Variants in COL14A1 observed in about 807,000 individuals in gnomAD.
COL14A1 encodes the protein collagen type XIV alpha 1 chain, also known as collagen alpha-1(XIV) chain.
A neutral mutation model predicts 230.3 loss-of-function variants in COL14A1; 136 were observed. The observed-to-expected ratio is 0.59, with a 90% CI of 0.51 to 0.68. The LOEUF is 0.68. COL14A1 is among the 30% of genes least tolerant of loss of function. The probability of loss-of-function intolerance (pLI) is 0.00; values close to 1 mark genes in which losing one functional copy is unlikely to be tolerated. For missense variants in COL14A1, 1,976 were observed against 2,215.8 expected, an observed-to-expected ratio of 0.89 and a Z score of 2.17; for synonymous variants, 792 against 784.1, an observed-to-expected ratio of 1.01 and a Z score of -0.17.
At chr8:120,320,400 G>T (rs1821397139) in intron 40 of COL14A1, among the ~76,000 whole-genome samples, 1 of 151,814 alleles carries the variant, frequency 6.6e-6, no homozygotes, top group Non-Finnish European at 1.5e-5. Context: ...TTTTTTCTTG[G>T]ATTTCACCTC....
At chr8:120,240,481 G>T (rs1017104644) in intron 19 of COL14A1, among the ~76,000 whole-genome samples, 1 of 152,160 alleles carries the variant, frequency 6.6e-6, no homozygotes, top group African/African-American at 2.4e-5. Flanking sequence ...AAGTCTGAGG[G>T]TCTTGAAATC....
chr8:120,147,940 A>G lies in COL14A1; in HGVS notation c.88+10A>G, dbSNP rs1815151204. The G allele has an allele frequency of 6.3e-7, 1 of 1,596,994 alleles. No individual in the cohort carries two copies. Among genetic ancestry groups the G allele is most frequent in the South Asian group, 1.1e-5 (1 of 90,418 alleles). Reference sequence around the variant, plus strand: ...ATTGTCCAAGGTCAAGGTAATTGAAAACTTTGAGAATCAGTAGGGTCTGGG... The same window carrying G: ...ATTGTCCAAGGTCAAGGTAATTGAAGACTTTGAGAATCAGTAGGGTCTGGG... On this transcript the variant is annotated intron_variant, in intron 2 of 47. Coordinates refer to ENST00000297848, the MANE Select transcript of COL14A1 (RefSeq NM_021110.4).
chr8:120,297,848 C>G (rs1277941324), intron 35 of COL14A1, among the ~76,000 whole-genome samples: 1 of 151,880 alleles, frequency 6.6e-6, no homozygotes. Flanking sequence ...CTCATGAAGC[C>G]CTTAGTGTCT....
chr8:120,289,032 C>T (rs1404414873), intron 33 of COL14A1, among the ~76,000 whole-genome samples: 1 of 152,148 alleles, frequency 6.6e-6, no homozygotes, highest in East Asian at 1.9e-4. Flanking sequence ...CACGGACCTC[C>T]AGATTCTTGA....
At chr8:120,195,407 A>G (rs988509332) in intron 5 of COL14A1, among the ~76,000 whole-genome samples, 4 of 152,296 alleles carry the variant, frequency 2.6e-5, no homozygotes, top group South Asian at 4.1e-4. Context: ...CACACACTTA[A>G]TGATCTCTAG....
Position 120,209,756 on chromosome 8 carries a change from TTGCTTTACCGA to T in COL14A1, c.1325_1335del (p.Ala442GlyfsTer3). On this transcript the variant is annotated frameshift_variant and splice_region_variant, in exon 12 of 48. Transcript: ENST00000297848. LOFTEE classifies it high-confidence loss of function. ...ACATTTAAAAAAAAATCTCTTGCAG[TTGCTTTACCGA>T]TGGCTTCTGACCTTCTACTGTACGA... 1 of 1,598,774 alleles carries T rather than the reference TTGCTTTACCGA, an allele frequency of 6.3e-7. No homozygotes were observed. The highest frequency in any genetic ancestry group is 8.5e-7 in the Non-Finnish European group (1 of 1,175,550).
At chr8:120,166,627 G>A (rs1165553665) in intron 4 of COL14A1, among the ~76,000 whole-genome samples, 1 of 152,144 alleles carries the variant, frequency 6.6e-6, no homozygotes, top group African/African-American at 2.4e-5. Context: ...GTAATTTGGG[G>A]TGACAGCCCA....
rs1563719633 is a variant in COL14A1, at chr8:120,289,601, T to C, written c.4078-7T>C. The C allele has an allele frequency of 6.2e-7, 1 of 1,612,656 alleles. No homozygotes were observed. Among genetic ancestry groups the C allele is most frequent in the Non-Finnish European group, 8.5e-7 (1 of 1,179,462 alleles). On this transcript the variant is annotated splice_region_variant and splice_polypyrimidine_tract_variant and intron_variant, in intron 33 of 47. Transcript: ENST00000297848. Reference sequence around the variant, plus strand: ...CTTACCTCCTAAAACATCTTACTTTTACCTAGCTACACATTGTTGTCAGTG... The same window carrying C: ...CTTACCTCCTAAAACATCTTACTTTCACCTAGCTACACATTGTTGTCAGTG...
At chr8:120,329,072 T>A (rs1210275626) in intron 40 of COL14A1, among the ~76,000 whole-genome samples, 2 of 152,204 alleles carry the variant, frequency 1.3e-5, no homozygotes, top group Non-Finnish European at 2.9e-5. Context: ...TTAGTGAATA[T>A]GTGCCCAGGG....
chr8:120,275,149 T>C (rs1819798667), intron 26 of COL14A1, among the ~76,000 whole-genome samples: 1 of 151,760 alleles, frequency 6.6e-6, no homozygotes, highest in South Asian at 2.1e-4. Context: ...AATAAGCACA[T>C]AAACTAATGG....
intron 31 of COL14A1, 149 bp from the exon 32 acceptor site, chr8:120,283,487 A>C (rs1232711120): frequency 1.4e-6 from 1 of 731,078 alleles, no homozygotes; most frequent in African/African-American, 1.8e-5. Flanking sequence ...TCTTTACTAA[A>C]TTAGATCAAC....
At chr8:120,243,126 C>T (rs2130849545) in intron 19 of COL14A1, among the ~76,000 whole-genome samples, 1 of 152,306 alleles carries the variant, frequency 6.6e-6, no homozygotes, top group East Asian at 1.9e-4. Context: ...GCACTGAGAA[C>T]ATGTGGCTTT....
intron 38 of COL14A1, 116 bp from the exon 39 acceptor site, chr8:120,315,417 A>T: frequency 3.4e-6 from 2 of 584,170 alleles, no homozygotes; most frequent in Non-Finnish European, 6.1e-6. Context: ...TATTCTGTTT[A>T]GATGTTAGTG....
chr8:120,194,053 C>T (rs1362666569), intron 5 of COL14A1, among the ~76,000 whole-genome samples: 1 of 152,180 alleles, frequency 6.6e-6, no homozygotes. Context: ...TGCGCTGCAC[C>T]CACTGTCCTG....
chr8:120,362,159 A>G (rs1823242566), intron 45 of COL14A1, among the ~76,000 whole-genome samples: 1 of 152,192 alleles, frequency 6.6e-6, no homozygotes, highest in Non-Finnish European at 1.5e-5. Context: ...GCAGTGGTTG[A>G]GCACAGAGGC....
chr8:120,166,752 T>C (rs192295961), intron 4 of COL14A1, among the ~76,000 whole-genome samples: 1 of 152,206 alleles, frequency 6.6e-6, no homozygotes, highest in East Asian at 1.9e-4. Context: ...GCAACCTTAG[T>C]ATATGATTGT....
At chr8:120,133,075 G>T (rs1814588842) in intron 1 of COL14A1, among the ~76,000 whole-genome samples, 1 of 152,186 alleles carries the variant, frequency 6.6e-6, no homozygotes, top group South Asian at 2.1e-4. Context: ...AATTAGCCAG[G>T]CATGGTGGCG....
At chr8:120,181,440 G>A (rs1047442785) in intron 5 of COL14A1, among the ~76,000 whole-genome samples, 3 of 152,172 alleles carry the variant, frequency 2.0e-5, no homozygotes, top group African/African-American at 7.2e-5. Context: ...AAACAATGAT[G>A]TAACACATAC....
At chr8:120,350,024 T>A in intron 45 of COL14A1, among the ~76,000 whole-genome samples, 1 of 141,246 alleles carries the variant, frequency 7.1e-6, no homozygotes, top group Non-Finnish European at 1.5e-5. Flanking sequence ...CCCATCAGAC[T>A]AACAGCGGAT....
Sources: gnomAD v4.1 joint callset for allele counts (sites outside exome capture counted in the v4.1 genomes callset) on GRCh38, gnomAD v4.1.1 for gene constraint, MANE v1.5 for transcripts, NCBI Gene and HGNC (gene_info 2026-07-23, HGNC 2026-07-21) for gene names.